FOXP1: variants seen among roughly 807,000 people sequenced by gnomAD.
The protein encoded by FOXP1 is forkhead box protein P1.
Under a neutral mutation model 98.2 loss-of-function variants are expected in FOXP1, and 15 were observed. The observed-to-expected ratio is 0.15, with a 90% CI of 0.10 to 0.24. FOXP1 has a LOEUF of 0.24. Ranked by LOEUF, FOXP1 falls within the 10% of genes least tolerant of loss-of-function variation. The probability of loss-of-function intolerance (pLI) is 1.00; values close to 1 mark genes in which losing one functional copy is unlikely to be tolerated. For synonymous variants in FOXP1, 371 were observed against 314.5 expected (o/e 1.18, Z -1.90); for missense variants, 633 against 848.5 (o/e 0.75, Z 3.15).
intron 6 of FOXP1, among the ~76,000 whole-genome samples, chr3:71,141,803 A>G (rs967266674): frequency 1.2e-4 from 18 of 152,122 alleles, no homozygotes; most frequent in African/African-American, 4.1e-4. Context: ...GAAAAACTTA[A>G]CTTCTCATTT....
chr3:71,253,096 T>C (rs1295516379), intron 5 of FOXP1, among the ~76,000 whole-genome samples: 1 of 152,126 alleles, frequency 6.6e-6, no homozygotes, highest in Non-Finnish European at 1.5e-5. Context: ...CTGATGCATA[T>C]AGTGCCTCCA....
intron 7 of FOXP1, among the ~76,000 whole-genome samples, chr3:71,082,629 T>TA (rs11391736): frequency 0.95 from 140,706 of 147,420 alleles, 67,347 homozygotes; most frequent in East Asian, 1. Flanking sequence ...TATAATAAAA[T>TA]AAAAAAAAAA....
At chr3:71,371,162 C>T (rs560062935) in intron 3 of FOXP1, among the ~76,000 whole-genome samples, 1 of 152,294 alleles carries the variant, frequency 6.6e-6, no homozygotes, top group Admixed American at 6.5e-5. Flanking sequence ...TCAGGTGCTG[C>T]TTCCGCCACT....
At chr3:71,182,883 C>T (rs902970618) in intron 6 of FOXP1, among the ~76,000 whole-genome samples, 5 of 150,582 alleles carry the variant, frequency 3.3e-5, no homozygotes, top group African/African-American at 9.8e-5. Flanking sequence ...ATTAACAGAC[C>T]CCCCCAAAAA....
intron 6 of FOXP1, among the ~76,000 whole-genome samples, chr3:71,147,439 C>A (rs967458013): frequency 1.3e-5 from 2 of 152,138 alleles, no homozygotes; most frequent in Admixed American, 6.5e-5. Context: ...GCTGTTCTTC[C>A]GCCATACACA....
chr3:71,346,553 C>T (rs2077373289), intron 4 of FOXP1, among the ~76,000 whole-genome samples: 1 of 152,122 alleles, frequency 6.6e-6, no homozygotes, highest in Non-Finnish European at 1.5e-5. Flanking sequence ...TTGCTTCTAT[C>T]CACAGACCTA....
chr3:71,190,702 A>C (rs1003555030), intron 6 of FOXP1, among the ~76,000 whole-genome samples: 21 of 152,050 alleles, frequency 1.4e-4, no homozygotes, highest in African/African-American at 4.8e-4. Flanking sequence ...CAAAGAAATA[A>C]ATTGCAGCTG....
At chr3:71,446,271 G>C (rs939446154) in intron 3 of FOXP1, among the ~76,000 whole-genome samples, 2 of 152,080 alleles carry the variant, frequency 1.3e-5, no homozygotes, top group African/African-American at 4.8e-5. Flanking sequence ...GAAAATTCAG[G>C]CTCGGGCACA....
chr3:71,237,575 G>T (rs2066907811), intron 5 of FOXP1, among the ~76,000 whole-genome samples: 1 of 152,182 alleles, frequency 6.6e-6, no homozygotes, highest in South Asian at 2.1e-4. Flanking sequence ...CACTTCCCAT[G>T]CTTGAATTGG....
intron 3 of FOXP1, among the ~76,000 whole-genome samples, chr3:71,425,577 C>T (rs1238851621): frequency 6.6e-6 from 1 of 151,872 alleles, no homozygotes; most frequent in Admixed American, 6.6e-5. Flanking sequence ...TGGCAGAGTC[C>T]CTGGCAAAAT....
intron 6 of FOXP1, among the ~76,000 whole-genome samples, chr3:71,141,266 C>CAAAAAA (rs71621921): frequency 2.8e-5 from 2 of 71,840 alleles, no homozygotes; most frequent in African/African-American, 4.7e-5. Context: ...GACTCTGTCT[C>CAAAAAA]AAAAAAAAAA....
In FOXP1 at chr3:71,144,410, C is replaced by T. The variant is rs537032842; in HGVS notation, c.181-31773G>A. On this transcript the variant is annotated intron_variant, in intron 6 of 20. Coordinates refer to ENST00000649528, the MANE Select transcript of FOXP1 (RefSeq NM_001349338.3). ...GGTGCCCTGGGAACCCTGACAGGAG[C>T]AAGAAATGTCCAAGACTGGGTGTTG... Among the ~76,000 whole-genome samples, 9 of 152,228 alleles carry T rather than the reference C, an allele frequency of 5.9e-5. No homozygotes were observed. In the South Asian group the frequency reaches 1.2e-3, roughly 21 times the overall value.
At chr3:71,511,775 C>A (rs920404413) in intron 2 of FOXP1, among the ~76,000 whole-genome samples, 6 of 152,198 alleles carry the variant, frequency 3.9e-5, no homozygotes, top group Middle Eastern at 3.4e-3. Flanking sequence ...AAAATATAAT[C>A]CTTACAGATT....
At chr3:71,485,531 G>A (rs139867572) in intron 3 of FOXP1, among the ~76,000 whole-genome samples, 2,328 of 152,290 alleles carry the variant, frequency 0.015, 34 homozygotes, top group Non-Finnish European at 0.024. Context: ...CACTTTGGGA[G>A]GCCAAGGCGG....
chr3:71,370,540 G>A (rs1397260774), intron 3 of FOXP1, among the ~76,000 whole-genome samples: 1 of 152,066 alleles, frequency 6.6e-6, no homozygotes, highest in African/African-American at 2.4e-5. Context: ...TTGAGGAAAG[G>A]GCACTAGAAC....
At chr3:71,279,188 A>G (rs1432009150) in intron 5 of FOXP1, among the ~76,000 whole-genome samples, 10 of 151,660 alleles carry the variant, frequency 6.6e-5, no homozygotes, top group Non-Finnish European at 1.3e-4. Context: ...AAAAAAAAAA[A>G]AAAAAGAAAG....
chr3:71,549,917 G>T (rs1366255293), intron 2 of FOXP1, among the ~76,000 whole-genome samples: 3 of 146,854 alleles, frequency 2.0e-5, no homozygotes, highest in East Asian at 2.0e-4. Context: ...ATTTTTTTAG[G>T]CCTCTTTATA....
At chr3:71,265,640 A>G (rs1257687979) in intron 5 of FOXP1, among the ~76,000 whole-genome samples, 1 of 152,208 alleles carries the variant, frequency 6.6e-6, no homozygotes, top group African/African-American at 2.4e-5. Context: ...AACACGGCGG[A>G]AAATGTGCAG....
intron 14 of FOXP1, among the ~76,000 whole-genome samples, chr3:70,979,449 G>A (rs972829789): frequency 9.2e-5 from 14 of 151,978 alleles, no homozygotes; most frequent in Admixed American, 1.3e-4. Context: ...ATTATTTTAC[G>A]TCTGGCAATG....
Sources: allele counts gnomAD v4.1 joint callset (sites outside exome capture counted in the v4.1 genomes callset), GRCh38; gene constraint gnomAD v4.1.1; transcripts MANE v1.5; gene names NCBI Gene and HGNC (gene_info 2026-07-23, HGNC 2026-07-21).